MPHOSPH6: variants seen among roughly 807,000 people sequenced by gnomAD.
MPHOSPH6 encodes M-phase phosphoprotein 6.
In MPHOSPH6, 25 loss-of-function variants were observed where a neutral mutation model predicts 21.8. The observed-to-expected ratio is 1.15, with a 90% CI of 0.83 to 1.60. The LOEUF is 1.60. Ranked by LOEUF, MPHOSPH6 falls within the 40% of genes most tolerant of loss-of-function variation. The pLI is 0.00. For synonymous variants in MPHOSPH6, 84 were observed against 56.5 expected (o/e 1.49, Z -2.18); for missense variants, 269 against 181.8 (o/e 1.48, Z -2.76).
In MPHOSPH6 at chr16:82,148,750, A is replaced by G; in HGVS notation, c.464T>C (p.Phe155Ser). Reference sequence around the variant, plus strand: ...TCCATCTTAATCCTGGGGCTTTAAGAACATCTTCTTTGCTTTAATTGGTGT... The same window carrying G: ...TCCATCTTAATCCTGGGGCTTTAAGGACATCTTCTTTGCTTTAATTGGTGT... ...DITPIKAKKM[F>S]LKPQD The change falls in exon 5 of 5, where the codon TTC (phenylalanine) becomes TCC (serine). Residue 155 changes from phenylalanine (F) to serine (S), a missense_variant. Transcript: ENST00000258169. 6.2e-7 allele frequency: 1 copy of G among 1,614,150 alleles called. No individual in the cohort carries two copies. Among genetic ancestry groups the G allele is most frequent in the Non-Finnish European group, 8.5e-7 (1 of 1,180,024 alleles).
intron 2 of MPHOSPH6, among the ~76,000 whole-genome samples, chr16:82,152,907 CAACA>C (rs753162458): frequency 1.3e-5 from 2 of 152,232 alleles, no homozygotes; most frequent in Non-Finnish European, 2.9e-5. Flanking sequence ...TTCCCTTATG[CAACA>C]AACACTTATT....
chr16:82,152,736 G>A (rs1321457653), intron 2 of MPHOSPH6, among the ~76,000 whole-genome samples: 1 of 152,198 alleles, frequency 6.6e-6, no homozygotes, highest in Non-Finnish European at 1.5e-5. Flanking sequence ...GGATGTTTCT[G>A]TCTGCAGCAG....
At position 82,165,114 on chromosome 16, in the gene MPHOSPH6, C is replaced by CTTTTTTTTTTTTTTTTTTTTTTTTTTTTT. The variant is rs1418457856; in HGVS notation, c.52-921_52-920insAAAAAAAAAAAAAAAAAAAAAAAAAAAAA. ...TTTCCCTTATTCAGGTCCGATATTT[C>CTTTTTTTTTTTTTTTTTTTTTTTTTTTTT]TTTTTTATTTTTTTTTTTATTTTTT... is the stretch of plus-strand genomic sequence containing the variant. On this transcript the variant is annotated intron_variant, in intron 1 of 4. Coordinates refer to ENST00000258169, the MANE Select transcript of MPHOSPH6 (RefSeq NM_005792.2). 9.4e-5 allele frequency among the ~76,000 whole-genome samples: 6 copies of CTTTTTTTTTTTTTTTTTTTTTTTTTTTTT among 63,944 alleles called. 1 individual carries two copies. Among genetic ancestry groups the CTTTTTTTTTTTTTTTTTTTTTTTTTTTTT allele is most frequent in the African/African-American group, 1.4e-4 (2 of 14,624 alleles). The allele number at this position is 63,944 out of a possible 152,430, so 41.9% of individuals were successfully genotyped here.
At chr16:82,158,997 G>A (rs75850237) in intron 2 of MPHOSPH6, among the ~76,000 whole-genome samples, 17,920 of 152,164 alleles carry the variant, frequency 0.12, 1,299 homozygotes, top group East Asian at 0.29. Context: ...ATTCACTGGT[G>A]TTTTCAGATT....
At chr16:82,154,413 T>C (rs747469034) in intron 2 of MPHOSPH6, among the ~76,000 whole-genome samples, 1 of 152,012 alleles carries the variant, frequency 6.6e-6, no homozygotes, top group Non-Finnish European at 1.5e-5. Flanking sequence ...TACATACAAA[T>C]GTACAGCACA....
At position 82,148,604 on chromosome 16, in the gene MPHOSPH6, A is replaced by G. The variant is rs746639377; in HGVS notation, c.*127T>C. 5.1e-5 allele frequency: 61 copies of G among 1,198,080 alleles called. No homozygotes were observed. Among genetic ancestry groups the G allele is most frequent in the Non-Finnish European group, 6.9e-5 (61 of 885,950 alleles). 74.2% of individuals were successfully genotyped at this position (1,198,080 alleles called of 1,614,324 possible). On this transcript the variant is annotated 3_prime_UTR_variant, in exon 5 of 5. Coordinates refer to ENST00000258169, the MANE Select transcript of MPHOSPH6 (RefSeq NM_005792.2). ...TCTGTTTCAAAAACAGCATGTTTCT[A>G]AAATGATAATCTCTTTACAAGTAAA...
intron 1 of MPHOSPH6, among the ~76,000 whole-genome samples, chr16:82,167,974 T>A (rs913951328): frequency 9.9e-5 from 15 of 152,210 alleles, no homozygotes; most frequent in Admixed American, 8.5e-4. Context: ...TACTCTGTTC[T>A]ATCAGTATAG....
intron 1 of MPHOSPH6, among the ~76,000 whole-genome samples, chr16:82,165,268 C>T (rs555493120): frequency 9.9e-5 from 15 of 151,392 alleles, no homozygotes; most frequent in Non-Finnish European, 1.6e-4. Flanking sequence ...GCTGAGATTA[C>T]GCGCCTGCCA....
At chr16:82,158,452 T>A (rs965059040) in intron 2 of MPHOSPH6, among the ~76,000 whole-genome samples, 1 of 132,136 alleles carries the variant, frequency 7.6e-6, no homozygotes, top group African/African-American at 3.0e-5. Flanking sequence ...TGAGCGGAGA[T>A]CTCGCCACTG....
chr16:82,153,458 G>A (rs967454292), intron 2 of MPHOSPH6, among the ~76,000 whole-genome samples: 4 of 152,232 alleles, frequency 2.6e-5, no homozygotes, highest in Admixed American at 1.3e-4. Flanking sequence ...TCCAGATTGT[G>A]GAGCAGGGAG....
intron 2 of MPHOSPH6, among the ~76,000 whole-genome samples, chr16:82,153,526 G>A (rs1862823): frequency 0.028 from 4,316 of 152,240 alleles, 201 homozygotes; most frequent in African/African-American, 0.098. Context: ...TGTTTCATTG[G>A]GGCTTTAGTT....
At chr16:82,158,796 C>G (rs999131007) in intron 2 of MPHOSPH6, among the ~76,000 whole-genome samples, 1 of 152,196 alleles carries the variant, frequency 6.6e-6, no homozygotes, top group African/African-American at 2.4e-5. Flanking sequence ...AGCTTCCCAA[C>G]ACTTAAAAGA....
At chr16:82,151,800 G>C (rs78871546) in intron 2 of MPHOSPH6, among the ~76,000 whole-genome samples, 270 of 152,286 alleles carry the variant, frequency 1.8e-3, no homozygotes, top group African/African-American at 6.3e-3. Flanking sequence ...CAATAAACTT[G>C]AATTTGCCAA....
chr16:82,164,218 G>C, intron 1 of MPHOSPH6, 24 bp from the exon 2 acceptor site: 1 of 1,499,108 alleles, frequency 6.7e-7, no homozygotes, highest in South Asian at 1.2e-5. Context: ...CAAAATCAAT[G>C]TCAGAAACTT....
In MPHOSPH6 at chr16:82,170,113, G is replaced by A; in HGVS notation, c.51+12C>T. 4 of 1,588,896 alleles carry A rather than the reference G, an allele frequency of 2.5e-6. No homozygotes were observed. The highest frequency in any genetic ancestry group is 3.4e-6 in the Non-Finnish European group (4 of 1,168,018). On this transcript the variant is annotated intron_variant, in intron 1 of 4. Coordinates refer to ENST00000258169, the MANE Select transcript of MPHOSPH6 (RefSeq NM_005792.2). ...CCTACCGCCCGGAGTGGCGCTCTCA[G>A]CGTCCCCGCACCTTCATGCGCAGTA...
chr16:82,164,252 C>A lies in MPHOSPH6; in HGVS notation c.52-58G>T, dbSNP rs6564994. 0.054 allele frequency: 60,780 copies of A among 1,120,234 alleles called. 5,498 individuals carry two copies. The highest frequency in any genetic ancestry group is 0.37 in the African/African-American group (23,747 of 64,424). 69.4% of individuals were successfully genotyped at this position (1,120,234 alleles called of 1,614,324 possible). ...TTTTCCCATTTTAGAACTGAGGAAA[C>A]CCCAAATAATTTTCTTCTTCTACTT... On this transcript the variant is annotated intron_variant, in intron 1 of 4. Transcript: ENST00000258169.
At position 82,149,188 on chromosome 16, in the gene MPHOSPH6, T is replaced by C. The variant is rs1597158201; in HGVS notation, c.350+121A>G. On this transcript the variant is annotated intron_variant, in intron 4 of 4. Coordinates refer to ENST00000258169, the MANE Select transcript of MPHOSPH6 (RefSeq NM_005792.2). ...GCCATTAAGAGAAGGCCGATCACAG[T>C]CATCGTCCTACTGGGGGACTCCCTT... 5.6e-6 allele frequency: 6 copies of C among 1,063,846 alleles called. No individual in the cohort carries two copies. In the African/African-American group the frequency reaches 6.2e-5, roughly 11 times the overall value. 65.9% of individuals were successfully genotyped at this position (1,063,846 alleles called of 1,614,324 possible). A position where few individuals can be genotyped will look rare whatever the true frequency, so the allele number is the denominator to read the frequency against.
chr16:82,161,902 G>A (rs1056330580), intron 2 of MPHOSPH6, among the ~76,000 whole-genome samples: 6 of 152,164 alleles, frequency 3.9e-5, no homozygotes, highest in Non-Finnish European at 8.8e-5. Context: ...AGACTGATAC[G>A]GCTGACATTA....
intron 2 of MPHOSPH6, chr16:82,163,792 A>T (rs1797156777): frequency 3.7e-6 from 1 of 273,362 alleles, no homozygotes; most frequent in African/African-American, 2.2e-5. Context: ...GATAGAGAGA[A>T]CATTACAGCT....
Sources: gnomAD v4.1 joint callset for allele counts (sites outside exome capture counted in the v4.1 genomes callset) on GRCh38, gnomAD v4.1.1 for gene constraint, MANE v1.5 for transcripts, NCBI Gene and HGNC (gene_info 2026-07-23, HGNC 2026-07-21) for gene names.